The following ESRRG variants were observed in gnomAD, a reference collection of about 807,000 sequenced individuals.
ESRRG encodes the protein estrogen-related receptor gamma.
Under a neutral mutation model 44.0 loss-of-function variants are expected in ESRRG, and 13 were observed. That is an observed-to-expected ratio of 0.30 (90% CI 0.19 to 0.47). The LOEUF (loss-of-function observed/expected upper bound fraction) is 0.47, where lower values mean the gene tolerates loss of function less well. Among genes scored for constraint, ESRRG ranks in the 20% least tolerant of loss-of-function variants. The probability of loss-of-function intolerance (pLI) is 1.00; values close to 1 mark genes in which losing one functional copy is unlikely to be tolerated. For synonymous variants in ESRRG, 215 were observed against 214.6 expected (o/e 1.00, Z -0.02); for missense variants, 395 against 580.6 (o/e 0.68, Z 3.29).
At chr1:216,535,343 CTTTGATG>C in intron 5 of ESRRG, among the ~76,000 whole-genome samples, 1 of 152,218 alleles carries the variant, frequency 6.6e-6, no homozygotes, top group Non-Finnish European at 1.5e-5. Context: ...CACTGAACAT[CTTTGATG>C]TTCCTCAATA....
rs182558613 is a variant in ESRRG at position 216,911,570 on chromosome 1, G to C, written c.-14+28012C>G. ...TCCTAGAATGCACGACACCCAGAGAGAATGCTATTGTAAACTTTGGATTTG... is the reference window on the plus strand; with the variant it reads ...TCCTAGAATGCACGACACCCAGAGACAATGCTATTGTAAACTTTGGATTTG... On this transcript the variant is annotated intron_variant, in intron 2 of 7. Transcript: ENST00000359162. 6.6e-5 allele frequency among the ~76,000 whole-genome samples: 10 copies of C among 152,240 alleles called. No homozygotes were observed. The East Asian group carries it at 1.9e-3, about 29-fold the overall frequency.
In ESRRG at chr1:216,506,166, T is replaced by C. The variant is rs892123416; in HGVS notation, c.*773A>G. 2.6e-5 allele frequency: 4 copies of C among 153,430 alleles called. No individual in the cohort carries two copies. Among genetic ancestry groups the C allele is most frequent in the Admixed American group, 1.9e-4 (3 of 15,388 alleles). The allele number at this position is 153,430 out of a possible 1,614,324, so 9.5% of individuals were successfully genotyped here. ...AAAAGCAATGATAAGAAGCAGCCGA[T>C]GCAACGTTGCTTAAGTTGTCTAATT... On this transcript the variant is annotated 3_prime_UTR_variant, in exon 7 of 7. Coordinates refer to ENST00000408911, the MANE Select transcript of ESRRG (RefSeq NM_001438.4).
chr1:217,043,089 A>C (rs2151150109), intron 1 of ESRRG, among the ~76,000 whole-genome samples: 1 of 152,220 alleles, frequency 6.6e-6, no homozygotes, highest in East Asian at 1.9e-4. Flanking sequence ...CCAAACATTA[A>C]GCATTACTTG....
chr1:216,809,708 C>T (rs2094909683), intron 2 of ESRRG, among the ~76,000 whole-genome samples: 1 of 152,112 alleles, frequency 6.6e-6, no homozygotes, highest in Non-Finnish European at 1.5e-5. Context: ...ACCAGCCCAT[C>T]TAACAGGTGG....
intron 2 of ESRRG, among the ~76,000 whole-genome samples, chr1:216,895,191 C>T (rs145725933): frequency 1.3e-5 from 2 of 152,246 alleles, no homozygotes; most frequent in South Asian, 2.1e-4. Context: ...AATAAGTGCA[C>T]TGTGAATGAA....
At chr1:216,960,779 C>T (rs1352218866) in intron 1 of ESRRG, among the ~76,000 whole-genome samples, 1 of 152,048 alleles carries the variant, frequency 6.6e-6, no homozygotes, top group African/African-American at 2.4e-5. Context: ...TTTGTAGAGA[C>T]AGGGTCTCAC....
intron 6 of ESRRG, among the ~76,000 whole-genome samples, chr1:216,515,421 C>A (rs2043955006): frequency 6.6e-6 from 1 of 151,994 alleles, no homozygotes; most frequent in African/African-American, 2.4e-5. Context: ...ATATGAGAGT[C>A]CAAATATCCT....
chr1:217,055,500 T>C (rs2086897654), intron 1 of ESRRG, among the ~76,000 whole-genome samples: 1 of 152,136 alleles, frequency 6.6e-6, no homozygotes, highest in Non-Finnish European at 1.5e-5. Context: ...GCACTTTATA[T>C]AACATTTCCA....
At chr1:216,907,736 C>A (rs1436993984) in intron 2 of ESRRG, among the ~76,000 whole-genome samples, 3 of 152,076 alleles carry the variant, frequency 2.0e-5, no homozygotes, top group Admixed American at 2.0e-4. Context: ...ATCTAAGACA[C>A]CTCCCCCATC....
chr1:217,113,807 T>C (rs551471633), intron 1 of ESRRG, among the ~76,000 whole-genome samples: 8 of 152,016 alleles, frequency 5.3e-5, no homozygotes, highest in East Asian at 1.9e-4. Flanking sequence ...TTGGGCAACA[T>C]AGTGAGACTT....
chr1:217,104,774 G>T (rs552802613), intron 1 of ESRRG, among the ~76,000 whole-genome samples: 8 of 152,280 alleles, frequency 5.3e-5, no homozygotes, highest in African/African-American at 1.7e-4. Context: ...GTGATCAGCA[G>T]CCACAGTTTT....
intron 2 of ESRRG, among the ~76,000 whole-genome samples, chr1:216,756,793 T>C (rs1212346355): frequency 3.9e-5 from 6 of 151,994 alleles, no homozygotes; most frequent in Admixed American, 3.3e-4. Context: ...AATAGAAAAG[T>C]TGTACACTTT....
chr1:216,747,956 A>G (rs563639112), intron 2 of ESRRG, among the ~76,000 whole-genome samples: 1 of 152,170 alleles, frequency 6.6e-6, no homozygotes, highest in Non-Finnish European at 1.5e-5. Context: ...TGAACTAGAA[A>G]GGTGATTGTA....
chr1:216,813,752 C>T (rs1162391975), intron 2 of ESRRG, among the ~76,000 whole-genome samples: 1 of 152,168 alleles, frequency 6.6e-6, no homozygotes, highest in Non-Finnish European at 1.5e-5. Flanking sequence ...GCACACTATA[C>T]ACACATAATT....
chr1:216,875,028 C>T (rs777218219), intron 2 of ESRRG, among the ~76,000 whole-genome samples: 7 of 152,154 alleles, frequency 4.6e-5, no homozygotes, highest in East Asian at 1.9e-4. Context: ...TTTTGGGATT[C>T]GAACTGATCC....
At chr1:217,015,466 A>T (rs2079205335) in intron 1 of ESRRG, among the ~76,000 whole-genome samples, 1 of 152,190 alleles carries the variant, frequency 6.6e-6, no homozygotes, top group Non-Finnish European at 1.5e-5. Context: ...TCAAACTAGT[A>T]TCTTTTCTTT....
At chr1:216,812,266 T>C (rs907760514) in intron 2 of ESRRG, among the ~76,000 whole-genome samples, 1 of 152,236 alleles carries the variant, frequency 6.6e-6, no homozygotes, top group Admixed American at 6.5e-5. Flanking sequence ...CATATTTCTT[T>C]AAAGCTCAAT....
chr1:216,682,465 C>T (rs537558472), intron 1 of ESRRG, among the ~76,000 whole-genome samples: 5 of 152,130 alleles, frequency 3.3e-5, no homozygotes, highest in East Asian at 3.9e-4. Context: ...CACAATGCAG[C>T]GAATCTCCAA....
intron 1 of ESRRG, among the ~76,000 whole-genome samples, chr1:217,053,014 A>C (rs1423164846): frequency 1.3e-5 from 2 of 151,952 alleles, no homozygotes; most frequent in Non-Finnish European, 2.9e-5. Flanking sequence ...TCAAAATTGC[A>C]TATCCTTTAC....
Sources: gnomAD v4.1 joint callset for allele counts (sites outside exome capture counted in the v4.1 genomes callset) on GRCh38, gnomAD v4.1.1 for gene constraint, MANE v1.5 for transcripts, NCBI Gene and HGNC (gene_info 2026-07-23, HGNC 2026-07-21) for gene names.